DOCK8: variants seen among roughly 807,000 people sequenced by gnomAD.
The protein encoded by DOCK8 is dedicator of cytokinesis protein 8.
DOCK8 carries 141 observed loss-of-function variants against 245.6 expected under a neutral mutation model. The observed-to-expected ratio is 0.57, with a 90% CI of 0.50 to 0.66. The LOEUF is 0.66. Among genes scored for constraint, DOCK8 ranks in the 30% least tolerant of loss-of-function variants. DOCK8 has a pLI of 0.00. For synonymous variants in DOCK8, 1,168 were observed against 970.2 expected, an observed-to-expected ratio of 1.20 and a Z score of -3.79; for missense variants, 2,965 against 2,603.4, an observed-to-expected ratio of 1.14 and a Z score of -3.02.
At chr9:292,463 T>TTTATCAACA (rs989020156) in intron 4 of DOCK8, among the ~76,000 whole-genome samples, 2 of 151,244 alleles carry the variant, frequency 1.3e-5, no homozygotes, top group Non-Finnish European at 2.9e-5. Context: ...GATGTTATAA[T>TTTATCAACA]TTATCAACAT....
At chr9:256,871 C>A (rs184933985) in intron 1 of DOCK8, among the ~76,000 whole-genome samples, 5 of 151,862 alleles carry the variant, frequency 3.3e-5, no homozygotes, top group African/African-American at 1.2e-4. Context: ...AGTGCACACT[C>A]GATGAATACT....
At chr9:294,652 T>C (rs748094034) in intron 4 of DOCK8, among the ~76,000 whole-genome samples, 1 of 152,224 alleles carries the variant, frequency 6.6e-6, no homozygotes, top group East Asian at 1.9e-4. Flanking sequence ...TACAGCAGTT[T>C]AGCAGTTTTA....
intron 1 of DOCK8, among the ~76,000 whole-genome samples, chr9:247,972 T>G (rs574013972): frequency 2.0e-5 from 2 of 98,754 alleles, no homozygotes; most frequent in East Asian, 2.9e-4. Flanking sequence ...TTTTCTGATC[T>G]TCTCTAAGTT....
At chr9:403,218 G>A (rs2055197378) in intron 26 of DOCK8, among the ~76,000 whole-genome samples, 1 of 152,174 alleles carries the variant, frequency 6.6e-6, no homozygotes, top group South Asian at 2.1e-4. Flanking sequence ...GATGTCTCAA[G>A]GGACCTATGA....
intron 13 of DOCK8, 110 bp downstream of exon 13, chr9:339,209 G>A (rs944457712): frequency 3.2e-6 from 3 of 931,840 alleles, no homozygotes; most frequent in African/African-American, 1.6e-5. Context: ...CAAGTGAAAT[G>A]TGAGATTTTG....
intron 28 of DOCK8, among the ~76,000 whole-genome samples, chr9:408,743 C>T (rs548867839): frequency 5.3e-5 from 8 of 152,242 alleles, no homozygotes; most frequent in African/African-American, 9.6e-5. Flanking sequence ...TGGAAACAGC[C>T]ATGACATTCT....
intron 18 of DOCK8, among the ~76,000 whole-genome samples, chr9:374,522 C>T (rs550220522): frequency 2.4e-5 from 3 of 124,874 alleles, no homozygotes; most frequent in East Asian, 2.7e-4. Flanking sequence ...AGTGCAGTGG[C>T]GTGATCACAG....
chr9:367,269 C>G (rs2053050669), intron 14 of DOCK8, among the ~76,000 whole-genome samples: 1 of 152,156 alleles, frequency 6.6e-6, no homozygotes, highest in African/African-American at 2.4e-5. Context: ...TTCCTTCATT[C>G]AACAAACACT....
intron 26 of DOCK8, among the ~76,000 whole-genome samples, chr9:400,940 A>ACCACCACCTCCT (rs1586918975): frequency 3.6e-5 from 2 of 55,690 alleles, no homozygotes; most frequent in East Asian, 7.8e-4. Context: ...AACATCCACC[A>ACCACCACCTCCT]CCACCATCAC....
At chr9:393,933 A>G (rs1027525036) in intron 24 of DOCK8, among the ~76,000 whole-genome samples, 1 of 152,220 alleles carries the variant, frequency 6.6e-6, no homozygotes, top group Non-Finnish European at 1.5e-5. Flanking sequence ...AGCAGCTGGC[A>G]GAAGCCTTTC....
At chr9:239,615 C>T (rs953894935) in intron 1 of DOCK8, among the ~76,000 whole-genome samples, 14 of 152,100 alleles carry the variant, frequency 9.2e-5, no homozygotes, top group Non-Finnish European at 1.5e-5. Flanking sequence ...TGAAGAATAG[C>T]TTCTTATTAC....
intron 14 of DOCK8, among the ~76,000 whole-genome samples, chr9:345,551 G>C (rs1344388604): frequency 6.6e-6 from 1 of 152,126 alleles, no homozygotes. Context: ...TATTGATGAG[G>C]GTTTCAGCTG....
intron 14 of DOCK8, among the ~76,000 whole-genome samples, chr9:348,840 T>C (rs1444846890): frequency 6.6e-6 from 1 of 152,184 alleles, no homozygotes; most frequent in African/African-American, 2.4e-5. Flanking sequence ...GGACGCTATT[T>C]TGCAGCTTTT....
At chr9:254,812 G>A (rs113579474) in intron 1 of DOCK8, among the ~76,000 whole-genome samples, 1 of 152,168 alleles carries the variant, frequency 6.6e-6, no homozygotes, top group African/African-American at 2.4e-5. Context: ...AGTTCACAAG[G>A]CAGTTGTTGC....
intron 4 of DOCK8, among the ~76,000 whole-genome samples, chr9:294,819 T>C (rs940105886): frequency 6.6e-6 from 1 of 152,162 alleles, no homozygotes; most frequent in Non-Finnish European, 1.5e-5. Flanking sequence ...ACAATTGATA[T>C]ATACAACAAC....
Position 286,655 on chromosome 9 carries a change from T to C in DOCK8, c.332+19T>C. 6.2e-7 allele frequency: 1 copy of C among 1,612,780 alleles called. No homozygotes were observed. Among genetic ancestry groups the C allele is most frequent in the Non-Finnish European group, 8.5e-7 (1 of 1,178,930 alleles). On this transcript the variant is annotated intron_variant, in intron 3 of 47. Coordinates refer to ENST00000432829, the MANE Select transcript of DOCK8 (RefSeq NM_203447.4). ...AGGAAGGGTAAATAGTTTTCTAAAA[T>C]GTAGATGTGATTGGGATTGTCATGA...
At chr9:433,774 T>C in intron 37 of DOCK8, 101 bp from the exon 38 acceptor site, 1 of 992,480 alleles carries the variant, frequency 1.0e-6, no homozygotes, top group South Asian at 1.3e-5. Flanking sequence ...TGCCCTCTGA[T>C]CCAACCCTTC....
intron 14 of DOCK8, among the ~76,000 whole-genome samples, chr9:357,379 G>A (rs1250165810): frequency 1.3e-5 from 2 of 152,096 alleles, no homozygotes; most frequent in South Asian, 2.1e-4. Context: ...AAAAAGCATG[G>A]ATTGTTTTCT....
At chr9:251,264 C>T (rs1242219346) in intron 1 of DOCK8, among the ~76,000 whole-genome samples, 2 of 152,112 alleles carry the variant, frequency 1.3e-5, no homozygotes, top group Admixed American at 1.3e-4. Context: ...AAGAGACAAA[C>T]TACACAAAAA....
Sources: allele counts gnomAD v4.1 joint callset (sites outside exome capture counted in the v4.1 genomes callset), GRCh38; gene constraint gnomAD v4.1.1; transcripts MANE v1.5; gene names NCBI Gene and HGNC (gene_info 2026-07-23, HGNC 2026-07-21).